Variants in TCF12 observed in about 807,000 individuals in gnomAD.
TCF12 encodes the protein transcription factor 12, also known as DNA-binding protein HTF4.
In TCF12, 45 loss-of-function variants were observed where a neutral mutation model predicts 86.0. The ratio of observed to expected loss-of-function variants is 0.52; its 90% CI spans 0.41 to 0.67. The LOEUF (loss-of-function observed/expected upper bound fraction) is 0.67. TCF12 is among the 30% of genes least tolerant of loss of function. The pLI, the probability that TCF12 is intolerant of heterozygous loss-of-function variation, is 0.00. For missense variants in TCF12, 881 were observed against 859.9 expected (o/e 1.02, Z -0.31); for synonymous variants, 330 against 299.6 (o/e 1.10, Z -1.05).
intron 5 of TCF12, among the ~76,000 whole-genome samples, chr15:57,113,970 A>G (rs1431039299): frequency 6.6e-6 from 1 of 151,968 alleles, no homozygotes; most frequent in African/African-American, 2.4e-5. Context: ...AGAAGAAAAA[A>G]AATAGTAAAT....
At chr15:57,130,754 G>A (rs1362688217) in intron 5 of TCF12, among the ~76,000 whole-genome samples, 1 of 152,140 alleles carries the variant, frequency 6.6e-6, no homozygotes, top group African/African-American at 2.4e-5. Context: ...AATGAAAAAT[G>A]TGCTTGTTGT....
intron 5 of TCF12, among the ~76,000 whole-genome samples, chr15:57,113,948 C>G (rs539743329): frequency 1.6e-4 from 25 of 151,760 alleles, no homozygotes; most frequent in African/African-American, 6.0e-4. Flanking sequence ...AGAGTGAGAC[C>G]CTGTCTCAAA....
At chr15:57,223,647 T>TG (rs2058715209) in intron 8 of TCF12, among the ~76,000 whole-genome samples, 1 of 78,348 alleles carries the variant, frequency 1.3e-5, no homozygotes, top group Non-Finnish European at 2.4e-5. Flanking sequence ...AATGAGGTTT[T>TG]TTTTTTTTTT....
intron 18 of TCF12, 144 bp downstream of exon 18, chr15:57,263,418 C>A: frequency 1.3e-6 from 1 of 791,060 alleles, no homozygotes; most frequent in South Asian, 1.8e-5. Flanking sequence ...CTCATTTAAT[C>A]ACCACATCAT....
chr15:57,250,190 T>G (rs1333019505), intron 13 of TCF12, among the ~76,000 whole-genome samples: 2 of 152,216 alleles, frequency 1.3e-5, no homozygotes, highest in Admixed American at 1.3e-4. Flanking sequence ...TCATTTACAG[T>G]CATGGGAAAT....
At chr15:57,200,994 TA>T (rs2057516410) in intron 8 of TCF12, among the ~76,000 whole-genome samples, 1 of 152,220 alleles carries the variant, frequency 6.6e-6, no homozygotes, top group South Asian at 2.1e-4. Context: ...CTTTCAGGTC[TA>T]AATTGCTACA....
At chr15:57,053,900 A>G (rs927249871) in intron 3 of TCF12, among the ~76,000 whole-genome samples, 8 of 152,192 alleles carry the variant, frequency 5.3e-5, no homozygotes, top group African/African-American at 1.7e-4. Context: ...CCTGTAAACA[A>G]ATGTTTGCTG....
chr15:57,172,925 A>G (rs2055620104), intron 6 of TCF12, among the ~76,000 whole-genome samples: 1 of 150,050 alleles, frequency 6.7e-6, no homozygotes, highest in Admixed American at 6.6e-5. Flanking sequence ...GCATAGTTAG[A>G]CTCTGTCTCT....
chr15:57,129,603 T>C lies in TCF12; in HGVS notation c.326-36799T>C, dbSNP rs551477180. Among the ~76,000 whole-genome samples the C allele has an allele frequency of 8.3e-4, 126 of 152,330 alleles. 1 individual carries two copies. The highest frequency in any genetic ancestry group is 1.4e-3 in the Non-Finnish European group (95 of 68,028). ...GGGTTTATTGACTACTTGTGTATCT[T>C]CTTTGGAGGAAACTCTGAGACTTAG... On this transcript the variant is annotated intron_variant, in intron 5 of 20. Coordinates refer to ENST00000333725, the MANE Select transcript of TCF12 (RefSeq NM_207037.2).
At chr15:57,060,714 G>A (rs1351784910) in intron 3 of TCF12, among the ~76,000 whole-genome samples, 1 of 152,154 alleles carries the variant, frequency 6.6e-6, no homozygotes, top group East Asian at 1.9e-4. Flanking sequence ...TCACTGTATT[G>A]CAACTGTGGT....
chr15:57,136,194 C>T (rs1399088230), intron 5 of TCF12, among the ~76,000 whole-genome samples: 1 of 152,032 alleles, frequency 6.6e-6, no homozygotes, highest in Admixed American at 6.6e-5. Flanking sequence ...GACAGCTATC[C>T]CTTGCAGCTT....
At chr15:57,091,956 C>T in intron 5 of TCF12, 65 bp downstream of exon 5, 1 of 1,403,996 alleles carries the variant, frequency 7.1e-7, no homozygotes, top group Non-Finnish European at 1.0e-6. Context: ...ATTTTTTATC[C>T]CTTTGTCCAG....
chr15:57,131,562 C>A (rs575042711), intron 5 of TCF12, among the ~76,000 whole-genome samples: 1 of 152,272 alleles, frequency 6.6e-6, no homozygotes, highest in South Asian at 2.1e-4. Context: ...CTCATAAAAG[C>A]AATCACTCAT....
At chr15:57,067,969 C>T (rs1386648860) in intron 4 of TCF12, among the ~76,000 whole-genome samples, 1 of 152,110 alleles carries the variant, frequency 6.6e-6, no homozygotes, top group East Asian at 1.9e-4. Flanking sequence ...GTTGGTGTAC[C>T]AGGCATAAAG....
chr15:57,028,729 T>C (rs1179851402), intron 3 of TCF12, among the ~76,000 whole-genome samples: 3 of 152,226 alleles, frequency 2.0e-5, no homozygotes, highest in South Asian at 2.1e-4. Flanking sequence ...ACATCTTTGC[T>C]TACTGCAAAA....
intron 5 of TCF12, among the ~76,000 whole-genome samples, chr15:57,161,102 A>G (rs1343323791): frequency 2.0e-5 from 3 of 152,312 alleles, no homozygotes; most frequent in Middle Eastern, 3.4e-3. Flanking sequence ...ATGTTTGGAT[A>G]TTTGTAATTG....
intron 5 of TCF12, among the ~76,000 whole-genome samples, chr15:57,111,060 T>A (rs2050455340): frequency 6.6e-6 from 1 of 152,222 alleles, no homozygotes; most frequent in South Asian, 2.1e-4. Context: ...GATTGGACTT[T>A]AAATGGAATC....
At chr15:57,178,352 A>T (rs1440846579) in intron 6 of TCF12, among the ~76,000 whole-genome samples, 2 of 152,222 alleles carry the variant, frequency 1.3e-5, no homozygotes, top group African/African-American at 4.8e-5. Context: ...GTTTCATTTT[A>T]TAAAGTATGG....
At chr15:56,971,709 C>CTCAT (rs2062338018) in intron 3 of TCF12, among the ~76,000 whole-genome samples, 2 of 152,194 alleles carry the variant, frequency 1.3e-5, no homozygotes, top group African/African-American at 4.8e-5. Context: ...CAATTTAAAA[C>CTCAT]ATATGAATTG....
Sources: allele counts gnomAD v4.1 joint callset (sites outside exome capture counted in the v4.1 genomes callset), GRCh38; gene constraint gnomAD v4.1.1; transcripts MANE v1.5; gene names NCBI Gene and HGNC (gene_info 2026-07-23, HGNC 2026-07-21).